The following FARS2 variants were observed in gnomAD, a reference collection of about 807,000 sequenced individuals.
FARS2 encodes the protein phenylalanyl-tRNA synthetase 2, mitochondrial.
A neutral mutation model predicts 46.4 loss-of-function variants in FARS2; 40 were observed. The observed-to-expected ratio is 0.86, with a 90% CI of 0.67 to 1.12. The LOEUF is 1.12. Among genes scored for constraint, FARS2 ranks in the 50% most tolerant of loss-of-function variants. The pLI is 0.00. For missense variants in FARS2, 513 were observed against 567.9 expected (o/e 0.90, Z 0.98); for synonymous variants, 234 against 214.9 (o/e 1.09, Z -0.78).
intron 4 of FARS2, among the ~76,000 whole-genome samples, chr6:5,500,146 T>A (rs747258742): frequency 6.6e-6 from 1 of 152,244 alleles, no homozygotes; most frequent in Non-Finnish European, 1.5e-5. Context: ...ATTGGGTATC[T>A]GATCCTGTTC....
At chr6:5,598,557 C>T (rs148192281) in intron 5 of FARS2, among the ~76,000 whole-genome samples, 1,953 of 152,296 alleles carry the variant, frequency 0.013, 41 homozygotes, top group African/African-American at 0.041. Flanking sequence ...CTCAGCATAA[C>T]CACTTTCCCT....
chr6:5,493,030 A>G (rs1767219761), intron 4 of FARS2, among the ~76,000 whole-genome samples: 2 of 152,018 alleles, frequency 1.3e-5, no homozygotes, highest in Admixed American at 6.5e-5. Context: ...TTTTTCTGCT[A>G]TGGCCCTGTA....
At chr6:5,323,809 A>G (rs1770152308) in intron 1 of FARS2, among the ~76,000 whole-genome samples, 1 of 152,198 alleles carries the variant, frequency 6.6e-6, no homozygotes, top group Non-Finnish European at 1.5e-5. Flanking sequence ...CCTTGATCAG[A>G]AACCGCCTAA....
At chr6:5,510,595 C>T (rs564322299) in intron 4 of FARS2, among the ~76,000 whole-genome samples, 2 of 152,324 alleles carry the variant, frequency 1.3e-5, no homozygotes, top group East Asian at 3.9e-4. Flanking sequence ...TGTTTGTGTG[C>T]GGAGCCTGTG....
At chr6:5,400,258 C>CT (rs139818997) in intron 2 of FARS2, among the ~76,000 whole-genome samples, 1,690 of 151,848 alleles carry the variant, frequency 0.011, 25 homozygotes, top group African/African-American at 0.037. Context: ...ATTTTCATAT[C>CT]TTTTTTTTGA....
chr6:5,365,284 C>G (rs1399536769), intron 1 of FARS2, among the ~76,000 whole-genome samples: 1 of 132,184 alleles, frequency 7.6e-6, no homozygotes, highest in African/African-American at 2.8e-5. Context: ...TTGAACTTAA[C>G]AATCTTGGAC....
chr6:5,395,945 T>C (rs1283509170), intron 2 of FARS2, among the ~76,000 whole-genome samples: 1 of 152,240 alleles, frequency 6.6e-6, no homozygotes. Context: ...TTTAATGTTA[T>C]GGTTTTGTTT....
At chr6:5,618,383 A>G (rs1775585110) in intron 6 of FARS2, among the ~76,000 whole-genome samples, 1 of 152,200 alleles carries the variant, frequency 6.6e-6, no homozygotes, top group African/African-American at 2.4e-5. Context: ...ATTTTATTCC[A>G]TAAACATATA....
intron 1 of FARS2, among the ~76,000 whole-genome samples, chr6:5,269,493 AAG>A (rs1193353866): frequency 2.6e-5 from 4 of 152,092 alleles, no homozygotes; most frequent in African/African-American, 9.7e-5. Context: ...AAAAAAAAAA[AAG>A]AGAAAAGAAG....
chr6:5,741,570 C>CT (rs1761345121), intron 6 of FARS2, among the ~76,000 whole-genome samples: 1 of 152,220 alleles, frequency 6.6e-6, no homozygotes, highest in East Asian at 1.9e-4. Flanking sequence ...GGTCTATAAC[C>CT]CCTGTGGGTA....
chr6:5,536,667 A>C (rs528945788), intron 4 of FARS2, among the ~76,000 whole-genome samples: 1 of 152,332 alleles, frequency 6.6e-6, no homozygotes, highest in Admixed American at 6.5e-5. Flanking sequence ...CCTGGTGTCC[A>C]TGTAGCCTGG....
intron 1 of FARS2, among the ~76,000 whole-genome samples, chr6:5,319,107 C>T (rs1769781296): frequency 6.6e-6 from 1 of 151,994 alleles, no homozygotes; most frequent in Non-Finnish European, 1.5e-5. Context: ...GTGGAGAGGC[C>T]CCCTGTGCCC....
intron 1 of FARS2, among the ~76,000 whole-genome samples, chr6:5,292,043 C>T (rs184144565): frequency 3.2e-4 from 49 of 152,016 alleles, no homozygotes; most frequent in East Asian, 7.7e-4. Flanking sequence ...CCAGACAGAT[C>T]GAGTCAGAGA....
chr6:5,553,684 G>A (rs1771496482), intron 5 of FARS2, among the ~76,000 whole-genome samples: 1 of 152,060 alleles, frequency 6.6e-6, no homozygotes, highest in Non-Finnish European at 1.5e-5. Flanking sequence ...GAACTTACTG[G>A]TTTGTAGGCT....
intron 3 of FARS2, among the ~76,000 whole-genome samples, chr6:5,430,523 G>T (rs1025420300): frequency 1.3e-5 from 2 of 151,844 alleles, no homozygotes; most frequent in Non-Finnish European, 2.9e-5. Flanking sequence ...TTGACTGATA[G>T]ATTTGGTTTA....
chr6:5,663,517 G>A (rs1188728145), intron 6 of FARS2, among the ~76,000 whole-genome samples: 1 of 152,142 alleles, frequency 6.6e-6, no homozygotes, highest in Non-Finnish European at 1.5e-5. Context: ...TCAGTGCCTC[G>A]TATTGTTAAT....
At chr6:5,518,734 A>G (rs1367682123) in intron 4 of FARS2, among the ~76,000 whole-genome samples, 1 of 152,226 alleles carries the variant, frequency 6.6e-6, no homozygotes, top group Non-Finnish European at 1.5e-5. Context: ...GCATCATGCA[A>G]GAAATACATT....
intron 3 of FARS2, among the ~76,000 whole-genome samples, chr6:5,409,747 C>G (rs921339612): frequency 2.0e-5 from 3 of 152,168 alleles, no homozygotes; most frequent in Non-Finnish European, 4.4e-5. Flanking sequence ...TTTCTTCTTT[C>G]CTTTGAGCCA....
chr6:5,767,735 C>T (rs1263059296), intron 6 of FARS2, among the ~76,000 whole-genome samples: 3 of 152,184 alleles, frequency 2.0e-5, no homozygotes, highest in Admixed American at 1.3e-4. Context: ...TATGTGAATG[C>T]CTCAGAACAG....
Sources: gnomAD v4.1 joint callset for allele counts (sites outside exome capture counted in the v4.1 genomes callset) on GRCh38, gnomAD v4.1.1 for gene constraint, MANE v1.5 for transcripts, NCBI Gene and HGNC (gene_info 2026-07-23, HGNC 2026-07-21) for gene names.